TRPM2: variants seen among roughly 807,000 people sequenced by gnomAD.
The protein encoded by TRPM2 is transient receptor potential cation channel subfamily M member 2.
Under a neutral mutation model 174.0 loss-of-function variants are expected in TRPM2, and 161 were observed. That is an observed-to-expected ratio of 0.93 (90% CI 0.81 to 1.05). The LOEUF is 1.05. TRPM2 is among the 50% of genes least tolerant of loss of function. The pLI is 0.00. For missense variants in TRPM2, 2,057 were observed against 2,038.0 expected (o/e 1.01, Z -0.18); for synonymous variants, 954 against 861.3 (o/e 1.11, Z -1.88).
At chr21:44,394,095 T>C (rs1470808524) in intron 11 of TRPM2, among the ~76,000 whole-genome samples, 1 of 152,094 alleles carries the variant, frequency 6.6e-6, no homozygotes. Flanking sequence ...GATCTGGATC[T>C]CCTGACCTTA....
At position 44,399,465 on chromosome 21, in the gene TRPM2, A is replaced by C; in HGVS notation, c.2208+24A>C. 1 of 1,601,798 alleles carries C rather than the reference A, an allele frequency of 6.2e-7. No individual in the cohort carries two copies. Among genetic ancestry groups the C allele is most frequent in the South Asian group, 1.1e-5 (1 of 89,888 alleles). ...AGGTGACCTCCCAAGAGCCCCTTCC[A>C]GAAACAGACGCCTGTGGTGCCTGCA... On this transcript the variant is annotated intron_variant, in intron 14 of 31. Coordinates refer to ENST00000397928, the MANE Select transcript of TRPM2 (RefSeq NM_003307.4). This position sits in a 1 kb window ranked among gnomAD's most constrained non-coding sequence, Gnocchi z 4.6.
rs558425035 is a variant in TRPM2 at position 44,409,871 on chromosome 21, G to A, written c.2962+3106G>A. 9.9e-5 allele frequency among the ~76,000 whole-genome samples: 14 copies of A among 140,836 alleles called. 1 individual carries two copies. The highest frequency in any genetic ancestry group is 3.8e-4 in the Admixed American group (5 of 13,266). The allele number at this position is 140,836 out of a possible 152,430, so 92.4% of individuals were successfully genotyped here. ...TAAGTTTTGACCACACTGTCTTGGC[G>A]TAGACTTGTAGTAAGTTTTGACCGC... is the stretch of plus-strand genomic sequence containing the variant. On this transcript the variant is annotated intron_variant, in intron 19 of 31. Transcript: ENST00000397928.
rs997580864 is a variant in TRPM2 at position 44,438,337 on chromosome 21, G to T, written c.4168-730G>T. ...GGGGTGCGTGGAGTTGGGTTTGGGG[G>T]TCCCACTCACTGGCATCCCTGTCAG... On this transcript the variant is annotated intron_variant, in intron 29 of 31. Coordinates refer to ENST00000397928, the MANE Select transcript of TRPM2 (RefSeq NM_003307.4). This position sits in a 1 kb window ranked among gnomAD's most constrained non-coding sequence, Gnocchi z 5.9. Among the ~76,000 whole-genome samples the T allele has an allele frequency of 6.6e-6, 1 of 152,172 alleles. No individual in the cohort carries two copies. The highest frequency in any genetic ancestry group is 6.5e-5 in the Admixed American group (1 of 15,282).
At chr21:44,415,536 G>A (rs186030685) in intron 20 of TRPM2, 207 of 152,370 alleles carry the variant, frequency 1.4e-3, no homozygotes, top group Non-Finnish European at 2.4e-3. Flanking sequence ...CAGCCCTGCC[G>A]AACCTTGGTT....
chr21:44,356,296 G>A (rs955447615), intron 2 of TRPM2, among the ~76,000 whole-genome samples: 1 of 151,324 alleles, frequency 6.6e-6, no homozygotes, highest in Non-Finnish European at 1.5e-5. Flanking sequence ...GTGATGAAGA[G>A]CCCCATGTGG....
rs1271273678 is a variant in TRPM2, at chr21:44,354,822, G to A, written c.254+86G>A. 9.8e-6 allele frequency: 12 copies of A among 1,226,794 alleles called. No individual in the cohort carries two copies. The highest frequency in any genetic ancestry group is 1.7e-5 in the Admixed American group (1 of 58,884). 76.0% of individuals were successfully genotyped at this position (1,226,794 alleles called of 1,614,324 possible). On this transcript the variant is annotated intron_variant, in intron 2 of 31. Coordinates refer to ENST00000397928, the MANE Select transcript of TRPM2 (RefSeq NM_003307.4). This position sits in a 1 kb window ranked among gnomAD's most constrained non-coding sequence, Gnocchi z 4.3. ...AGCTGATCAGGCCAAGACCCCTCAG[G>A]GCCTCAGTGAAGGGTCACTGGAGAT...
chr21:44,429,209 A>C (rs2050939541), intron 27 of TRPM2, among the ~76,000 whole-genome samples: 1 of 151,520 alleles, frequency 6.6e-6, no homozygotes, highest in African/African-American at 2.4e-5. Context: ...ACATTTTTAA[A>C]TAATATTTAT....
chr21:44,361,728 GAC>G (rs2048213734), intron 2 of TRPM2, among the ~76,000 whole-genome samples: 1 of 151,288 alleles, frequency 6.6e-6, no homozygotes, highest in African/African-American at 2.4e-5. Flanking sequence ...GTTTTTTGGA[GAC>G]AGAGTCTCAC....
In TRPM2 at chr21:44,399,383, G is replaced by T. The variant is rs1404886468; in HGVS notation, c.2150G>T (p.Cys717Phe). 6.2e-7 allele frequency: 1 copy of T among 1,612,722 alleles called. No homozygotes were observed. The highest frequency in any genetic ancestry group is 8.5e-7 in the Non-Finnish European group (1 of 1,179,874). The change falls in exon 14 of 32, where the codon TGC becomes TTC. Residue 717 changes from cysteine to phenylalanine, a missense_variant. Cys to Phe is a radical substitution (Grantham distance 205). Coordinates refer to ENST00000397928, the MANE Select transcript of TRPM2 (RefSeq NM_003307.4). The surrounding 1 kb of genome is among the most constrained non-coding windows in gnomAD (Gnocchi z 4.6). ...TCCGAGGCCTGGGGGAAGACCACCT[G>T]CCTGCAGCTCGCCCTGGAGGCCAAG... ...RVSEAWGKTT[C>F]LQLALEAKDM...
intron 13 of TRPM2, among the ~76,000 whole-genome samples, chr21:44,398,548 CG>C (rs1156724852): frequency 1.3e-5 from 2 of 151,980 alleles, no homozygotes; most frequent in Non-Finnish European, 2.9e-5. Context: ...GGCCAGGCAG[CG>C]GGGAGTACTG....
intron 5 of TRPM2, among the ~76,000 whole-genome samples, chr21:44,369,925 T>G (rs531029681): frequency 8.8e-4 from 28 of 31,710 alleles, no homozygotes; most frequent in African/African-American, 1.2e-3. Flanking sequence ...TGTGGGTGAG[T>G]TCTGACCGGG....
chr21:44,399,537 C>T lies in TRPM2; in HGVS notation c.2208+96C>T. ...CGTGCAGTTGGCACGCACACTCACA[C>T]AGGCTTCAGGGCCCTCAGCAGCTCG... On this transcript the variant is annotated intron_variant, in intron 14 of 31. Transcript: ENST00000397928. The surrounding 1 kb of genome is among the most constrained non-coding windows in gnomAD (Gnocchi z 4.6). 29 of 1,475,740 alleles carry T rather than the reference C, an allele frequency of 2.0e-5. No individual in the cohort carries two copies. Among genetic ancestry groups the T allele is most frequent in the Non-Finnish European group, 2.5e-5 (28 of 1,107,388 alleles). The allele number at this position is 1,475,740 out of a possible 1,614,324, so 91.4% of individuals were successfully genotyped here.
intron 22 of TRPM2, among the ~76,000 whole-genome samples, chr21:44,422,720 C>T (rs748737840): frequency 2.2e-4 from 33 of 152,072 alleles, no homozygotes; most frequent in Admixed American, 3.3e-4. Flanking sequence ...CGAGGCTGGG[C>T]GAAGCAAAAT....
intron 5 of TRPM2, among the ~76,000 whole-genome samples, chr21:44,373,791 C>T (rs73374091): frequency 0.034 from 5,161 of 152,200 alleles, 262 homozygotes; most frequent in African/African-American, 0.1. Flanking sequence ...GAGATCTCTG[C>T]GGCTAAATCT....
Position 44,411,060 on chromosome 21 carries a change from G to A in TRPM2, c.2963-2831G>A, listed in dbSNP as rs184885079. 2.0e-4 allele frequency among the ~76,000 whole-genome samples: 29 copies of A among 148,198 alleles called. No individual in the cohort carries two copies. The East Asian group carries it at 4.1e-3, about 21-fold the overall frequency. On this transcript the variant is annotated intron_variant, in intron 19 of 31. Transcript: ENST00000397928. Reference sequence around the variant, plus strand: ...CGTAGCCTTGTAGTAAGTTTTGACCGTGCTGTCTTGGTGAGCGTAGCCTTG... The same window carrying A: ...CGTAGCCTTGTAGTAAGTTTTGACCATGCTGTCTTGGTGAGCGTAGCCTTG...
intron 2 of TRPM2, among the ~76,000 whole-genome samples, chr21:44,356,197 G>T (rs1432087621): frequency 2.2e-5 from 3 of 137,830 alleles, no homozygotes; most frequent in Non-Finnish European, 3.1e-5. Flanking sequence ...ATTTTTAATT[G>T]TTTTTTTTTT....
intron 27 of TRPM2, among the ~76,000 whole-genome samples, chr21:44,433,726 C>G (rs1001876564): frequency 6.6e-6 from 1 of 152,182 alleles, no homozygotes; most frequent in Non-Finnish European, 1.5e-5. Context: ...CGTGCAAGGC[C>G]CCCCGGCCAC....
chr21:44,425,740 C>A lies in TRPM2; in HGVS notation c.3708C>A (p.Asp1236Glu). The change falls in exon 25 of 32, where the codon GAC becomes GAA. Residue 1236 changes from aspartate (D) to glutamate (E), a missense_variant. By Grantham distance (45) the Asp-to-Glu change is conservative. Coordinates refer to ENST00000397928, the MANE Select transcript of TRPM2 (RefSeq NM_003307.4). ...GGAAGAAGACGGAGGAGCCGGGCGA[C>A]AGCTACCACGTGAATGCCCGGCACC... ...GGRKKTEEPG[D>E]SYHVNARHLL... The A allele has an allele frequency of 6.3e-7, 1 of 1,591,046 alleles. No individual in the cohort carries two copies. Among genetic ancestry groups the A allele is most frequent in the East Asian group, 2.3e-5 (1 of 44,040 alleles).
In TRPM2 at chr21:44,391,353, GT is replaced by G; in HGVS notation, c.1523del (p.Val508GlyfsTer3). 6.2e-7 allele frequency: 1 copy of G among 1,614,164 alleles called. No individual in the cohort carries two copies. Among genetic ancestry groups the G allele is most frequent in the Non-Finnish European group, 8.5e-7 (1 of 1,180,030 alleles). ...TGTGAAGCTCTTCCTGGAGAACGGG[GT>G]GCAGCTGAAGGAGTTTGTCACCTGG... ...EFVKLFLENG[V>X]QLKEFVTWDT... On this transcript the variant is annotated frameshift_variant, in exon 11 of 32. Coordinates refer to ENST00000397928, the MANE Select transcript of TRPM2 (RefSeq NM_003307.4). LOFTEE classifies it high-confidence loss of function. This position sits in a 1 kb window ranked among gnomAD's most constrained non-coding sequence, Gnocchi z 5.0.
Sources: gnomAD v4.1 joint callset for allele counts (sites outside exome capture counted in the v4.1 genomes callset) on GRCh38, gnomAD v4.1.1 for gene constraint, Gnocchi (gnomAD v3.1) non-coding constraint, MANE v1.5 for transcripts, NCBI Gene and HGNC (gene_info 2026-07-23, HGNC 2026-07-21) for gene names.